LIPH: variants seen among roughly 807,000 people sequenced by gnomAD.
LIPH encodes the protein lipase member H.
Under a neutral mutation model 47.6 loss-of-function variants are expected in LIPH, and 32 were observed. That is an observed-to-expected ratio of 0.67 (90% CI 0.51 to 0.90). The LOEUF (loss-of-function observed/expected upper bound fraction) is 0.90. Ranked by LOEUF, LIPH falls within the 40% of genes least tolerant of loss-of-function variation. The pLI, the probability that LIPH is intolerant of heterozygous loss-of-function variation, is 0.00. For missense variants in LIPH, 497 were observed against 541.4 expected, an observed-to-expected ratio of 0.92 and a Z score of 0.81; for synonymous variants, 190 against 195.6, an observed-to-expected ratio of 0.97 and a Z score of 0.24.
At chr3:185,550,475 A>G (rs1721017814) in intron 1 of LIPH, among the ~76,000 whole-genome samples, 1 of 152,224 alleles carries the variant, frequency 6.6e-6, no homozygotes, top group Non-Finnish European at 1.5e-5. Flanking sequence ...AAATGGAGAT[A>G]CATAATGAAA....
chr3:185,528,710 G>T (rs974953104), intron 3 of LIPH, among the ~76,000 whole-genome samples: 1 of 152,136 alleles, frequency 6.6e-6, no homozygotes, highest in Admixed American at 6.6e-5. Context: ...AACCAAGTGG[G>T]TGTCAATCCC....
At chr3:185,511,775 T>C in intron 8 of LIPH, 78 bp from the exon 9 acceptor site, 1 of 967,356 alleles carries the variant, frequency 1.0e-6, no homozygotes, top group South Asian at 1.3e-5. Flanking sequence ...TGCAAGTCAC[T>C]GGTAAGCTGG....
At chr3:185,528,323 G>GAAGAAAGAAAGAAAAAGAAAGA (rs1553822826) in intron 3 of LIPH, among the ~76,000 whole-genome samples, 2 of 125,514 alleles carry the variant, frequency 1.6e-5, no homozygotes, top group East Asian at 4.8e-4. Context: ...AAGAAAGAAA[G>GAAGAAAGAAAGAAAAAGAAAGA]AAGAAAGAAA....
In LIPH at chr3:185,517,107, C is replaced by T. The variant is rs779457187; in HGVS notation, c.942G>A (p.Thr314=). Residue 314 remains threonine, a synonymous_variant, in exon 7 of 10, where the codon ACG becomes ACA. Coordinates refer to ENST00000296252, the MANE Select transcript of LIPH (RefSeq NM_139248.3). Reference sequence around the variant, plus strand: ...CCTCAGCTGTGTCAAAGAATGCCTTCGTCATTGGAGGATCTTTCCCCCTTA... The same window carrying T: ...CCTCAGCTGTGTCAAAGAATGCCTTTGTCATTGGAGGATCTTTCCCCCTTA... ...DHLRGKDPPM[T]KAFFDTAEES... 21 of 1,613,086 alleles carry T rather than the reference C, an allele frequency of 1.3e-5. No individual in the cohort carries two copies. The highest frequency in any genetic ancestry group is 3.3e-5 in the Admixed American group (2 of 60,000).
chr3:185,516,987 A>G (rs1719746606), intron 7 of LIPH, 80 bp downstream of exon 7: 2 of 939,286 alleles, frequency 2.1e-6, no homozygotes, highest in South Asian at 2.6e-5. Flanking sequence ...TTATTTGCCA[A>G]GAAGTAGCCA....
intron 3 of LIPH, among the ~76,000 whole-genome samples, chr3:185,531,516 C>T (rs867081968): frequency 4.0e-5 from 6 of 148,554 alleles, no homozygotes; most frequent in African/African-American, 2.5e-5. Context: ...ATGATCATGC[C>T]ACTACACTCC....
chr3:185,541,908 C>G (rs57977126), intron 1 of LIPH, among the ~76,000 whole-genome samples: 55,551 of 151,368 alleles, frequency 0.37, 10,338 homozygotes, highest in Non-Finnish European at 0.4. Context: ...AGACGTGCGC[C>G]ACCACACCTG....
intron 5 of LIPH, among the ~76,000 whole-genome samples, chr3:185,520,449 G>A (rs374417767): frequency 1.6e-4 from 25 of 152,004 alleles, no homozygotes; most frequent in Admixed American, 5.9e-4. Flanking sequence ...CCTGGAAGGC[G>A]GAGGTTGCAG....
At chr3:185,537,250 C>A (rs372552346) in intron 1 of LIPH, among the ~76,000 whole-genome samples, 13 of 151,942 alleles carry the variant, frequency 8.6e-5, no homozygotes, top group African/African-American at 3.1e-4. Context: ...GTTTAGTGCT[C>A]AAAACTGCGG....
At chr3:185,528,362 T>C (rs1720195509) in intron 3 of LIPH, among the ~76,000 whole-genome samples, 1 of 27,202 alleles carries the variant, frequency 3.7e-5, no homozygotes, top group African/African-American at 1.2e-4. Flanking sequence ...AAGAAAGCGC[T>C]ATACTCATCT....
rs1721078719 is a variant in LIPH, at chr3:185,552,468, A to G, written c.4T>C (p.Leu2=). The change falls in exon 1 of 10, where the codon TTG becomes CTG. Residue 2 remains leucine, a synonymous_variant. Transcript: ENST00000296252. The stretch of plus-strand genomic sequence containing the variant: ...AAACTGATGAATAAGTAGAATCTCA[A>G]CATATGGAAACTGGAGAGATCGTGT... M[L]RFYLFISLLC... 6.2e-7 allele frequency: 1 copy of G among 1,600,602 alleles called. No individual in the cohort carries two copies. The highest frequency in any genetic ancestry group is 8.6e-7 in the Non-Finnish European group (1 of 1,167,700).
chr3:185,511,749 A>G (rs1719573272), intron 8 of LIPH, 52 bp from the exon 9 acceptor site: 1 of 1,383,644 alleles, frequency 7.2e-7, no homozygotes, highest in South Asian at 1.2e-5. Flanking sequence ...TAATGAGAGA[A>G]AGCAGTTTTG....
chr3:185,531,115 A>G (rs1720317307), intron 3 of LIPH, among the ~76,000 whole-genome samples: 1 of 152,220 alleles, frequency 6.6e-6, no homozygotes, highest in African/African-American at 2.4e-5. Flanking sequence ...TAAAAGCTGC[A>G]TACTACGTGT....
chr3:185,515,229 A>C (rs1719690599), intron 7 of LIPH, among the ~76,000 whole-genome samples: 1 of 152,116 alleles, frequency 6.6e-6, no homozygotes, highest in East Asian at 1.9e-4. Flanking sequence ...TAACCAGCAG[A>C]CTCAGAGAAA....
intron 1 of LIPH, among the ~76,000 whole-genome samples, chr3:185,543,269 C>T (rs1480968074): frequency 6.6e-6 from 1 of 152,054 alleles, no homozygotes; most frequent in Non-Finnish European, 1.5e-5. Flanking sequence ...GAAGTGCTGT[C>T]TAATGTTTCT....
intron 3 of LIPH, among the ~76,000 whole-genome samples, chr3:185,530,876 A>G (rs1720311378): frequency 6.6e-6 from 1 of 152,136 alleles, no homozygotes; most frequent in Admixed American, 6.6e-5. Context: ...TCAAAAATAA[A>G]TAAATAAATA....
rs981361051 is a variant in LIPH, at chr3:185,541,843, G to A, written c.50-6711C>T. On this transcript the variant is annotated intron_variant, in intron 1 of 9. Transcript: ENST00000296252. ...ATGATCTTGGCTCACTACAACCTCC[G>A]CCTCTCAGGTTCAAGCAATTCTCCT... Among the ~76,000 whole-genome samples, 9 of 151,212 alleles carry A rather than the reference G, an allele frequency of 6.0e-5. No individual in the cohort carries two copies. In the East Asian group the frequency reaches 7.8e-4, roughly 13 times the overall value.
At chr3:185,540,739 A>AG (rs1339662935) in intron 1 of LIPH, among the ~76,000 whole-genome samples, 1 of 152,120 alleles carries the variant, frequency 6.6e-6, no homozygotes, top group East Asian at 1.9e-4. Context: ...AAAAAAAAAA[A>AG]AAGAAATATT....
At chr3:185,544,364 G>GTTTTGTTTTGTTTTGTTTTT in intron 1 of LIPH, among the ~76,000 whole-genome samples, 1 of 143,286 alleles carries the variant, frequency 7.0e-6, no homozygotes, top group East Asian at 2.0e-4. Context: ...GTTTTGTTTT[G>GTTTTGTTTTGTTTTGTTTTT]TTTTTTGAGA....
Sources: gnomAD v4.1 joint callset for allele counts (sites outside exome capture counted in the v4.1 genomes callset) on GRCh38, gnomAD v4.1.1 for gene constraint, MANE v1.5 for transcripts, NCBI Gene and HGNC (gene_info 2026-07-23, HGNC 2026-07-21) for gene names.